The following TNRC6C variants were observed in gnomAD, a reference collection of about 807,000 sequenced individuals.
TNRC6C encodes the protein trinucleotide repeat containing adaptor 6C.
Under a neutral mutation model 153.7 loss-of-function variants are expected in TNRC6C, and 20 were observed. That is an observed-to-expected ratio of 0.13 (90% CI 0.09 to 0.19). The LOEUF (loss-of-function observed/expected upper bound fraction) is 0.19. TNRC6C is among the 10% of genes least tolerant of loss of function. The probability of loss-of-function intolerance (pLI) is 1.00; values close to 1 mark genes in which losing one functional copy is unlikely to be tolerated. For missense variants in TNRC6C, 1,987 were observed against 2,172.0 expected (o/e 0.91, Z 1.69); for synonymous variants, 811 against 841.4 (o/e 0.96, Z 0.63).
chr17:78,018,937 G>A (rs1317047513), intron 1 of TNRC6C, among the ~76,000 whole-genome samples: 1 of 152,178 alleles, frequency 6.6e-6, no homozygotes, highest in Non-Finnish European at 1.5e-5. Context: ...TTAGTAAGAG[G>A]AATTCTTGGT....
chr17:78,080,287 A>T (rs994027258), intron 10 of TNRC6C, among the ~76,000 whole-genome samples: 2 of 152,182 alleles, frequency 1.3e-5, no homozygotes, highest in African/African-American at 4.8e-5. Flanking sequence ...TCTCTACTAA[A>T]AATACAAAAT....
chr17:78,031,646 A>G (rs1467708046), exon 2 of TNRC6C: 1 of 1,232,512 alleles, frequency 8.1e-7, no homozygotes, highest in Non-Finnish European at 1.0e-6. Flanking sequence ...AGCCAGCTGC[A>G]TCCCGTTACC....
intron 3 of TNRC6C, among the ~76,000 whole-genome samples, chr17:78,052,228 G>A (rs1410275982): frequency 2.6e-5 from 4 of 152,204 alleles, no homozygotes; most frequent in Non-Finnish European, 5.9e-5. Flanking sequence ...GTGGAGGAGG[G>A]CTGGCTAGGA....
chr17:77,995,690 A>T (rs767610114), intron 1 of TNRC6C, among the ~76,000 whole-genome samples: 11 of 152,062 alleles, frequency 7.2e-5, no homozygotes, highest in Admixed American at 2.0e-4. Context: ...CTGATTGGAG[A>T]TTTTCTTCTG....
chr17:78,101,269 A>G (rs2073589451), intron 17 of TNRC6C, among the ~76,000 whole-genome samples: 2 of 152,200 alleles, frequency 1.3e-5, no homozygotes, highest in East Asian at 3.8e-4. Context: ...CTAAAACAAC[A>G]AGAGCCACCT....
intron 1 of TNRC6C, among the ~76,000 whole-genome samples, chr17:78,010,311 G>GT (rs1197507312): frequency 6.6e-6 from 1 of 152,230 alleles, no homozygotes; most frequent in African/African-American, 2.4e-5. Flanking sequence ...TGTTAATAAT[G>GT]TAAGTCAGTT....
intron 1 of TNRC6C, among the ~76,000 whole-genome samples, chr17:77,962,683 T>G (rs2070870886): frequency 6.6e-6 from 1 of 152,260 alleles, no homozygotes; most frequent in Non-Finnish European, 1.5e-5. Flanking sequence ...GTTTTGTTTT[T>G]GTTATCTTCC....
chr17:78,022,281 A>G (rs2071849392), intron 1 of TNRC6C, among the ~76,000 whole-genome samples: 1 of 152,218 alleles, frequency 6.6e-6, no homozygotes, highest in Non-Finnish European at 1.5e-5. Flanking sequence ...TCTGTCTTAG[A>G]TATAAGATTG....
chr17:78,002,179 A>T (rs2071423006), upstream of TNRC6C, among the ~76,000 whole-genome samples: 1 of 152,110 alleles, frequency 6.6e-6, no homozygotes, highest in South Asian at 2.1e-4. Flanking sequence ...ATACTACTTG[A>T]TCATATCAGA....
intron 3 of TNRC6C, among the ~76,000 whole-genome samples, chr17:78,056,088 C>T (rs953767081): frequency 1.3e-5 from 2 of 151,410 alleles, no homozygotes; most frequent in South Asian, 2.1e-4. Flanking sequence ...GGCCTCAAGC[C>T]ATCCTCTCAC....
At chr17:78,083,016 A>G (rs2073210816) in intron 10 of TNRC6C, 31 bp from the exon 13 acceptor site, 1 of 1,610,848 alleles carries the variant, frequency 6.2e-7, no homozygotes, top group Admixed American at 1.7e-5. Flanking sequence ...ACAGAGATAC[A>G]ACGGCTAATA....
chr17:78,098,515 C>T, exon 17 of TNRC6C: 1 of 1,613,362 alleles, frequency 6.2e-7, no homozygotes, highest in South Asian at 1.1e-5. Context: ...GCCCCCTCGG[C>T]TGGACCAGCT....
chr17:77,972,422 G>A (rs1251232111), intron 1 of TNRC6C, among the ~76,000 whole-genome samples: 1 of 151,820 alleles, frequency 6.6e-6, no homozygotes, highest in Admixed American at 6.6e-5. Flanking sequence ...TGAGGCAGGA[G>A]AATCACTTGA....
At chr17:78,065,638 C>T (rs1008726384) in intron 4 of TNRC6C, among the ~76,000 whole-genome samples, 5 of 152,100 alleles carry the variant, frequency 3.3e-5, no homozygotes, top group African/African-American at 1.2e-4. Flanking sequence ...ATATGTATTA[C>T]CTCACAGCAG....
chr17:78,016,250 G>A (rs943502810), intron 1 of TNRC6C, among the ~76,000 whole-genome samples: 7 of 152,222 alleles, frequency 4.6e-5, no homozygotes, highest in African/African-American at 9.6e-5. Context: ...CAAAAGGAGC[G>A]ATTGGGAATG....
chr17:78,022,929 T>C (rs1485151007), intron 1 of TNRC6C, among the ~76,000 whole-genome samples: 4 of 152,236 alleles, frequency 2.6e-5, no homozygotes, highest in Admixed American at 2.0e-4. Flanking sequence ...CAATACAGTA[T>C]AACAGCTATT....
At chr17:77,958,968 C>T (rs1472365756), upstream of TNRC6C, among the ~76,000 whole-genome samples, 1 of 145,494 alleles carries the variant, frequency 6.9e-6, no homozygotes, top group African/African-American at 2.5e-5. Context: ...CCGCCGCCGC[C>T]TAGGACCCGG....
At position 78,104,645 on chromosome 17, in the gene TNRC6C, C is replaced by G; in HGVS notation, c.4873C>G (p.Leu1625Val). 6.5e-7 allele frequency: 1 copy of G among 1,546,750 alleles called. No homozygotes were observed. Among genetic ancestry groups the G allele is most frequent in the Non-Finnish European group, 8.7e-7 (1 of 1,146,914 alleles). Reference sequence around the variant, plus strand: ...CAGCGCAGCGGGCAGCTCCCATGGCCTGGTACGCAGCGACGCTGGCCACTG... The same window carrying G: ...CAGCGCAGCGGGCAGCTCCCATGGCGTGGTACGCAGCGACGCTGGCCACTG... The change falls in exon 20 of 20, where the codon CTG becomes GTG. Residue 1625 changes from leucine (L) to valine (V), a missense_variant. Transcript: ENST00000301624. The surrounding 1 kb of genome is among the most constrained non-coding windows in gnomAD (Gnocchi z 6.2).
intron 3 of TNRC6C, among the ~76,000 whole-genome samples, chr17:78,063,072 C>G (rs1416313815): frequency 6.6e-6 from 1 of 151,716 alleles, no homozygotes; most frequent in African/African-American, 2.4e-5. Context: ...ATGGTGAAAC[C>G]CTGTCCTTAC....
Sources: gnomAD v4.1 joint callset for allele counts (sites outside exome capture counted in the v4.1 genomes callset) on GRCh38, gnomAD v4.1.1 for gene constraint, Gnocchi (gnomAD v3.1) non-coding constraint, MANE v1.5 for transcripts, NCBI Gene and HGNC (gene_info 2026-07-23, HGNC 2026-07-21) for gene names.